Variants in RABGAP1L observed in about 807,000 individuals in gnomAD.
The protein encoded by RABGAP1L is rab GTPase-activating protein 1-like.
Under a neutral mutation model 137.7 loss-of-function variants are expected in RABGAP1L, and 63 were observed. The ratio of observed to expected loss-of-function variants is 0.46; its 90% CI spans 0.37 to 0.56. The LOEUF is 0.56. Among genes scored for constraint, RABGAP1L ranks in the 20% least tolerant of loss-of-function variants. The pLI is 0.00. For synonymous variants in RABGAP1L, 431 were observed against 433.7 expected (o/e 0.99, Z 0.08); for missense variants, 1,095 against 1,244.0 (o/e 0.88, Z 1.80).
intron 13 of RABGAP1L, among the ~76,000 whole-genome samples, chr1:174,634,832 A>T (rs1217112197): frequency 3.5e-5 from 5 of 142,872 alleles, no homozygotes; most frequent in Non-Finnish European, 7.5e-5. Context: ...GAATTGAACA[A>T]TGAGATCACA....
intron 20 of RABGAP1L, among the ~76,000 whole-genome samples, chr1:174,962,514 G>C (rs1558286828): frequency 6.6e-6 from 1 of 152,024 alleles, no homozygotes; most frequent in Non-Finnish European, 1.5e-5. Context: ...GCACATACTG[G>C]TTTTTGTAGA....
At chr1:174,543,380 G>C (rs6663645) in intron 13 of RABGAP1L, among the ~76,000 whole-genome samples, 3,193 of 152,064 alleles carry the variant, frequency 0.021, 118 homozygotes, top group African/African-American at 0.074. Flanking sequence ...ATCTTTGTTG[G>C]TTTAAAGTCT....
chr1:174,285,579 C>T (rs1675990371), intron 10 of RABGAP1L, among the ~76,000 whole-genome samples: 1 of 150,586 alleles, frequency 6.6e-6, no homozygotes, highest in Non-Finnish European at 1.5e-5. Context: ...ATGCCATCTA[C>T]AAACAATTTA....
chr1:174,624,284 T>C (rs1672775491), intron 13 of RABGAP1L, among the ~76,000 whole-genome samples: 1 of 152,214 alleles, frequency 6.6e-6, no homozygotes, highest in African/African-American at 2.4e-5. Context: ...TTTACCACTT[T>C]TGCAGACATT....
intron 18 of RABGAP1L, among the ~76,000 whole-genome samples, chr1:174,760,181 AT>A (rs796562130): frequency 1.4e-3 from 202 of 145,124 alleles, no homozygotes; most frequent in Middle Eastern, 7.0e-3. Context: ...TTTAAAGCAG[AT>A]TTTTTTTTTT....
chr1:174,717,394 A>T (rs1681107280), intron 17 of RABGAP1L, among the ~76,000 whole-genome samples: 1 of 152,174 alleles, frequency 6.6e-6, no homozygotes, highest in Non-Finnish European at 1.5e-5. Flanking sequence ...GGGCAACAGA[A>T]CGAGATTCCT....
intron 9 of RABGAP1L, 81 bp from the exon 10 acceptor site, chr1:174,278,532 C>G: frequency 2.7e-6 from 3 of 1,113,012 alleles, no homozygotes; most frequent in Non-Finnish European, 3.9e-6. Context: ...AACTTTAATT[C>G]TTTCATAAGT....
chr1:174,719,091 A>C lies in RABGAP1L; in HGVS notation c.2169+16835A>C, dbSNP rs552137856. ...TAACCTCAGGTTATCCTCCCGCCTC[A>C]GCTTCCCAAAGTGCTGGGATTACAG... On this transcript the variant is annotated intron_variant, in intron 17 of 25. Coordinates refer to ENST00000681986, the MANE Select transcript of RABGAP1L (RefSeq NM_001366446.1). Among the ~76,000 whole-genome samples, 26 of 152,102 alleles carry C rather than the reference A, an allele frequency of 1.7e-4. No individual in the cohort carries two copies. In the South Asian group the frequency reaches 5.4e-3, roughly 32 times the overall value.
chr1:174,499,333 G>A (rs761178684), intron 13 of RABGAP1L, among the ~76,000 whole-genome samples: 1 of 152,048 alleles, frequency 6.6e-6, no homozygotes, highest in Non-Finnish European at 1.5e-5. Flanking sequence ...AATCTTCAAA[G>A]ATTTTCAAAT....
intron 12 of RABGAP1L, among the ~76,000 whole-genome samples, chr1:174,379,467 C>A (rs1685911722): frequency 7.1e-6 from 1 of 139,928 alleles, no homozygotes; most frequent in Admixed American, 7.1e-5. Context: ...TTTCCTTGAG[C>A]AGTGGTTTGT....
At chr1:174,662,446 G>A (rs948503667) in intron 14 of RABGAP1L, among the ~76,000 whole-genome samples, 2 of 143,230 alleles carry the variant, frequency 1.4e-5, no homozygotes, top group East Asian at 2.1e-4. Context: ...AAACAGAGTC[G>A]CACTCTGTCG....
intron 11 of RABGAP1L, among the ~76,000 whole-genome samples, chr1:174,321,567 A>G (rs983994748): frequency 1.3e-5 from 2 of 152,178 alleles, no homozygotes; most frequent in Non-Finnish European, 2.9e-5. Context: ...AAAAGAACCT[A>G]CATTGAAATA....
intron 11 of RABGAP1L, among the ~76,000 whole-genome samples, chr1:174,349,699 C>G (rs904383462): frequency 7.3e-6 from 1 of 137,228 alleles, no homozygotes; most frequent in African/African-American, 2.6e-5. Context: ...ACCCCCACCT[C>G]CCTCCCGGAC....
chr1:174,595,716 A>T (rs1210233370), intron 13 of RABGAP1L, among the ~76,000 whole-genome samples: 15 of 120,858 alleles, frequency 1.2e-4, no homozygotes, highest in Admixed American at 1.2e-3. Context: ...GCCCGTTCTC[A>T]GATCTCCAGC....
chr1:174,543,389 C>A (rs1572248880), intron 13 of RABGAP1L, among the ~76,000 whole-genome samples: 1 of 152,064 alleles, frequency 6.6e-6, no homozygotes, highest in East Asian at 1.9e-4. Flanking sequence ...GGTTTAAAGT[C>A]TGTTTTATCA....
intron 13 of RABGAP1L, among the ~76,000 whole-genome samples, chr1:174,508,741 A>G (rs1466160314): frequency 6.6e-6 from 1 of 152,182 alleles, no homozygotes; most frequent in Non-Finnish European, 1.5e-5. Flanking sequence ...TCCTTTCTGA[A>G]CAAGTGCCAC....
At chr1:174,327,951 TTGTAAA>T in intron 11 of RABGAP1L, among the ~76,000 whole-genome samples, 1 of 110,624 alleles carries the variant, frequency 9.0e-6, no homozygotes, top group Non-Finnish European at 1.7e-5. Flanking sequence ...GATATAACAG[TTGTAAA>T]TATATATATA....
intron 17 of RABGAP1L, chr1:174,705,645 G>T (rs1430873063): frequency 6.6e-6 from 1 of 152,056 alleles, no homozygotes; most frequent in Non-Finnish European, 1.5e-5. Flanking sequence ...TAATCTATTG[G>T]AAACAATATT....
intron 19 of RABGAP1L, among the ~76,000 whole-genome samples, chr1:174,885,877 G>C (rs1445428456): frequency 6.6e-6 from 1 of 151,922 alleles, no homozygotes; most frequent in Admixed American, 6.5e-5. Flanking sequence ...TGAGGCAGGA[G>C]AATGGCGTGA....
Sources: gnomAD v4.1 joint callset for allele counts (sites outside exome capture counted in the v4.1 genomes callset) on GRCh38, gnomAD v4.1.1 for gene constraint, MANE v1.5 for transcripts, NCBI Gene and HGNC (gene_info 2026-07-23, HGNC 2026-07-21) for gene names.